The following ZRANB1 variants were observed in gnomAD, a reference collection of about 807,000 sequenced individuals.
ZRANB1 encodes zinc finger RANBP2-type containing 1, also known as ubiquitin thioesterase ZRANB1.
A neutral mutation model predicts 80.5 loss-of-function variants in ZRANB1; 16 were observed. The ratio of observed to expected loss-of-function variants is 0.20; its 90% CI spans 0.13 to 0.30. The LOEUF is 0.30. Among genes scored for constraint, ZRANB1 ranks in the 10% least tolerant of loss-of-function variants. ZRANB1 has a pLI of 1.00. For synonymous variants in ZRANB1, 291 were observed against 293.1 expected, an observed-to-expected ratio of 0.99 and a Z score of 0.07; for missense variants, 576 against 862.6, an observed-to-expected ratio of 0.67 and a Z score of 4.16.
intron 2 of ZRANB1, among the ~76,000 whole-genome samples, chr10:124,968,243 G>A (rs535513992): frequency 6.6e-6 from 1 of 152,260 alleles, no homozygotes; most frequent in Admixed American, 6.5e-5. Flanking sequence ...AAAGTGCAGA[G>A]AGTCATATTA....
Position 124,942,583 on chromosome 10 carries a change from A to G in ZRANB1, c.90A>G (p.Gln30=), listed in dbSNP as rs768756252. The change falls in exon 1 of 9, where the codon CAA becomes CAG. Residue 30 remains glutamine (Q), a synonymous_variant. Transcript: ENST00000359653. ...TCAAGTGTACTATGTGTCGTGCCCA[A>G]AGACCTAGTGGAACAATTATTACAG... is the stretch of plus-strand genomic sequence containing the variant. ...SAIKCTMCRA[Q]RPSGTIITED... is the part of the protein sequence containing the mutation. The G allele has an allele frequency of 2.5e-6, 4 of 1,614,088 alleles. No homozygotes were observed. The African/African-American group carries it at 5.3e-5, about 22-fold the overall frequency.
At chr10:124,941,063 C>T (rs1951531943), upstream of ZRANB1, among the ~76,000 whole-genome samples, 1 of 151,998 alleles carries the variant, frequency 6.6e-6, no homozygotes, top group South Asian at 2.1e-4. Flanking sequence ...GGAAAAATCC[C>T]TGAGAAAGAG....
In ZRANB1 at chr10:124,945,409, A is replaced by ATTTTTTTTTTTTTTTTT. The variant is rs57697692; in HGVS notation, c.814+2111_814+2127dup. The ATTTTTTTTTTTTTTTTT allele has an allele frequency of 1.1e-4, 13 of 123,544 alleles. 1 individual carries two copies. Among genetic ancestry groups the ATTTTTTTTTTTTTTTTT allele is most frequent in the East Asian group, 4.4e-4 (2 of 4,586 alleles). 7.7% of individuals were successfully genotyped at this position (123,544 alleles called of 1,614,324 possible). ...ATGCCTTTGGAACAGTCTTAAAATCATTTTTTTTTTTTTTTTTTTTTTTTT... is the reference window on the plus strand; with the variant it reads ...ATGCCTTTGGAACAGTCTTAAAATCATTTTTTTTTTTTTTTTTTTTTTTTTTTTTTTTTTTTTTTTTT... On this transcript the variant is annotated intron_variant, in intron 1 of 8. Transcript: ENST00000359653.
chr10:124,960,699 G>A (rs1381251433), intron 1 of ZRANB1, among the ~76,000 whole-genome samples: 2 of 152,044 alleles, frequency 1.3e-5, no homozygotes, highest in Non-Finnish European at 2.9e-5. Flanking sequence ...GAGATTATAG[G>A]TGTGAACCAC....
chr10:124,951,501 T>C (rs2134255689), intron 1 of ZRANB1, among the ~76,000 whole-genome samples: 1 of 152,322 alleles, frequency 6.6e-6, no homozygotes, highest in East Asian at 1.9e-4. Context: ...GGTGACTTTT[T>C]AACTTGAGAG....
At chr10:124,949,133 T>C (rs763446293) in intron 1 of ZRANB1, among the ~76,000 whole-genome samples, 22 of 152,208 alleles carry the variant, frequency 1.4e-4, no homozygotes, top group Admixed American at 4.6e-4. Flanking sequence ...CAGGTTTATG[T>C]TTAATTTCTC....
At chr10:124,922,262 TATA>T in the ZRANB1 span, among the ~76,000 whole-genome samples, 1 of 100,584 alleles carries the variant, frequency 9.9e-6, no homozygotes, top group Admixed American at 1.2e-4. Flanking sequence ...ATATGTAAAA[TATA>T]TATATATATA....
chr10:124,923,989 A>G, the ZRANB1 span, among the ~76,000 whole-genome samples: 5 of 150,090 alleles, frequency 3.3e-5, no homozygotes, highest in African/African-American at 7.6e-5. Flanking sequence ...ATTGAGGGCA[A>G]ACTGTCCCTC....
At chr10:124,966,523 T>A in intron 1 of ZRANB1, 71 bp from the exon 2 acceptor site, 1 of 1,454,422 alleles carries the variant, frequency 6.9e-7, no homozygotes, top group Non-Finnish European at 9.5e-7. Context: ...GATTTTGGAG[T>A]GATTGCTACG....
At chr10:124,934,639 C>T in the ZRANB1 span, among the ~76,000 whole-genome samples, 1,026 of 152,204 alleles carry the variant, frequency 6.7e-3, 9 homozygotes, top group African/African-American at 0.021. Context: ...ATTCTGATTA[C>T]GAATTGAGTT....
At position 124,983,357 on chromosome 10, in the gene ZRANB1, G is replaced by A. The variant is rs11591316; in HGVS notation, c.1678+53G>A. ...AAGTTTCTTTGAACGGAATGGCTCAGATGTCAGGAAGGAGCAGTGGACAGG... is the reference window on the plus strand; with the variant it reads ...AAGTTTCTTTGAACGGAATGGCTCAAATGTCAGGAAGGAGCAGTGGACAGG... On this transcript the variant is annotated intron_variant, in intron 7 of 8. Transcript: ENST00000359653. The surrounding 1 kb of genome is among the most constrained non-coding windows in gnomAD (Gnocchi z 6.2). 1 of 1,605,402 alleles carries A rather than the reference G, an allele frequency of 6.2e-7. No individual in the cohort carries two copies. The highest frequency in any genetic ancestry group is 8.5e-7 in the Non-Finnish European group (1 of 1,174,740).
At chr10:124,927,636 G>C in the ZRANB1 span, among the ~76,000 whole-genome samples, 3 of 152,158 alleles carry the variant, frequency 2.0e-5, no homozygotes. Flanking sequence ...TGTTTACATG[G>C]AGATACTGTT....
At chr10:124,919,921 C>T in the ZRANB1 span, among the ~76,000 whole-genome samples, 1,274 of 61,946 alleles carry the variant, frequency 0.021, 23 homozygotes, top group African/African-American at 0.058. Context: ...CCCCCCCCCC[C>T]TTTTTTTTTT....
chr10:124,942,519 C>T lies in ZRANB1; in HGVS notation c.26C>T (p.Ala9Val), dbSNP rs932822851. Residue 9 changes from alanine to valine, a missense_variant, in exon 1 of 9, where the codon GCT becomes GTT. Physicochemically the swap from Ala to Val is moderately conservative, Grantham distance 64. Transcript: ENST00000359653. MSERGIKW[A>V]CEYCTYENWP... ...ATGTCAGAACGTGGAATTAAGTGGG[C>T]TTGTGAATATTGTACGTATGAAAAC... 6.2e-7 allele frequency: 1 copy of T among 1,613,986 alleles called. No homozygotes were observed. Among genetic ancestry groups the T allele is most frequent in the African/African-American group, 1.3e-5 (1 of 74,878 alleles).
intron 1 of ZRANB1, chr10:124,962,398 T>C (rs1376945623): frequency 1.0e-6 from 1 of 985,380 alleles, no homozygotes; most frequent in Non-Finnish European, 1.2e-6. Flanking sequence ...GGCTGGCCCA[T>C]GTGGGCTCAG....
Position 124,983,066 on chromosome 10 carries a change from T to A in ZRANB1, c.1549-109T>A. The A allele has an allele frequency of 8.2e-7, 1 of 1,214,614 alleles. No individual in the cohort carries two copies. Among genetic ancestry groups the A allele is most frequent in the Non-Finnish European group, 1.1e-6 (1 of 890,342 alleles). 75.2% of individuals were successfully genotyped at this position (1,214,614 alleles called of 1,614,324 possible). A position where few individuals can be genotyped will look rare whatever the true frequency, so the allele number is the denominator to read the frequency against. ...GCTGCTTTGACAATCTTTTCTTTCTTAAAAACCAACTGCGATAGTATACTG... is the reference window on the plus strand; with the variant it reads ...GCTGCTTTGACAATCTTTTCTTTCTAAAAAACCAACTGCGATAGTATACTG... On this transcript the variant is annotated intron_variant, in intron 6 of 8. Transcript: ENST00000359653. The surrounding 1 kb of genome is among the most constrained non-coding windows in gnomAD (Gnocchi z 6.2).
At chr10:124,951,056 A>G (rs538696880) in intron 1 of ZRANB1, among the ~76,000 whole-genome samples, 22 of 152,312 alleles carry the variant, frequency 1.4e-4, no homozygotes, top group African/African-American at 5.0e-4. Context: ...AAAAAATAGC[A>G]AAGTGTAGGC....
intron 1 of ZRANB1, among the ~76,000 whole-genome samples, chr10:124,952,132 C>G (rs998510940): frequency 5.3e-5 from 8 of 152,044 alleles, no homozygotes; most frequent in African/African-American, 1.9e-4. Context: ...GAGTGGCAGG[C>G]AAGATAATGT....
At chr10:124,977,711 GAAAAAA>G (rs752296814) in intron 5 of ZRANB1, among the ~76,000 whole-genome samples, 2 of 48,730 alleles carry the variant, frequency 4.1e-5, no homozygotes, top group African/African-American at 7.3e-5. Flanking sequence ...ACCCTGCTAA[GAAAAAA>G]AAAAAAAAAA....
Sources: gnomAD v4.1 joint callset for allele counts (sites outside exome capture counted in the v4.1 genomes callset) on GRCh38, gnomAD v4.1.1 for gene constraint, Gnocchi (gnomAD v3.1) non-coding constraint, MANE v1.5 for transcripts, NCBI Gene and HGNC (gene_info 2026-07-23, HGNC 2026-07-21) for gene names.